The following NPAS3 variants were observed in gnomAD, a reference collection of about 807,000 sequenced individuals.
The protein encoded by NPAS3 is neuronal PAS domain-containing protein 3.
Under a neutral mutation model 73.1 loss-of-function variants are expected in NPAS3, and 14 were observed. That is an observed-to-expected ratio of 0.19 (90% CI 0.13 to 0.30). The LOEUF is 0.30. Ranked by LOEUF, NPAS3 falls within the 10% of genes least tolerant of loss-of-function variation. NPAS3 has a pLI of 1.00. For missense variants in NPAS3, 1,096 were observed against 1,250.0 expected, an observed-to-expected ratio of 0.88 and a Z score of 1.86; for synonymous variants, 620 against 541.5, an observed-to-expected ratio of 1.14 and a Z score of -2.01.
chr14:33,228,935 T>G (rs2047739768), intron 3 of NPAS3, among the ~76,000 whole-genome samples: 1 of 152,298 alleles, frequency 6.6e-6, no homozygotes, highest in Non-Finnish European at 1.5e-5. Context: ...AGTAAATTAT[T>G]TTTTGAACCT....
At chr14:33,718,858 G>T (rs1024267523) in intron 6 of NPAS3, among the ~76,000 whole-genome samples, 2 of 152,160 alleles carry the variant, frequency 1.3e-5, no homozygotes, top group Non-Finnish European at 1.5e-5. Flanking sequence ...AGGTACGGTG[G>T]CTCACACCTG....
At chr14:33,336,279 A>G (rs1483719951) in intron 3 of NPAS3, among the ~76,000 whole-genome samples, 2 of 152,214 alleles carry the variant, frequency 1.3e-5, no homozygotes, top group South Asian at 2.1e-4. Flanking sequence ...GTCTCTGTAC[A>G]GGGTCTCACT....
chr14:33,785,932 G>A (rs1182950329), intron 9 of NPAS3, among the ~76,000 whole-genome samples: 1 of 152,162 alleles, frequency 6.6e-6, no homozygotes, highest in Admixed American at 6.5e-5. Context: ...GTGCGGAAGG[G>A]GTCAGTCGAT....
chr14:33,452,877 G>T (rs895676152), intron 4 of NPAS3, among the ~76,000 whole-genome samples: 2 of 149,580 alleles, frequency 1.3e-5, no homozygotes, highest in Non-Finnish European at 3.0e-5. Flanking sequence ...TAAAAATTAA[G>T]TATATGTATT....
At chr14:33,292,413 A>G (rs12172817) in intron 3 of NPAS3, among the ~76,000 whole-genome samples, 99,018 of 152,048 alleles carry the variant, frequency 0.65, 32,523 homozygotes, top group Admixed American at 0.71. Flanking sequence ...TTCAGTTGGC[A>G]GGTCTTCCTT....
intron 3 of NPAS3, among the ~76,000 whole-genome samples, chr14:33,291,278 A>G (rs1278757505): frequency 6.6e-6 from 1 of 152,188 alleles, no homozygotes; most frequent in African/African-American, 2.4e-5. Context: ...GTGTGGTGAT[A>G]GCACAGATAG....
intron 5 of NPAS3, among the ~76,000 whole-genome samples, chr14:33,643,409 G>A (rs951477500): frequency 4.2e-5 from 6 of 142,054 alleles, no homozygotes; most frequent in Non-Finnish European, 6.1e-5. Context: ...CGAGAGAGAT[G>A]GAGCAAGAGG....
At chr14:33,726,042 A>G (rs970872028) in intron 6 of NPAS3, among the ~76,000 whole-genome samples, 1 of 151,918 alleles carries the variant, frequency 6.6e-6, no homozygotes, top group South Asian at 2.1e-4. Flanking sequence ...TCTGTTCCTC[A>G]TTCAATATCC....
intron 5 of NPAS3, among the ~76,000 whole-genome samples, chr14:33,565,388 T>C (rs2055875178): frequency 1.3e-5 from 2 of 152,224 alleles, no homozygotes; most frequent in African/African-American, 2.4e-5. Context: ...CCAAATGTGG[T>C]TTATTTGAAT....
intron 1 of NPAS3, among the ~76,000 whole-genome samples, chr14:33,027,508 G>C (rs573380970): frequency 7.9e-5 from 12 of 152,042 alleles, no homozygotes; most frequent in Non-Finnish European, 1.8e-4. Context: ...GGTTAAGTTG[G>C]TATTTCTGTC....
At chr14:33,010,521 A>G (rs1255652343) in intron 1 of NPAS3, among the ~76,000 whole-genome samples, 3 of 152,260 alleles carry the variant, frequency 2.0e-5, no homozygotes, top group Non-Finnish European at 2.9e-5. Flanking sequence ...GCAAAATGAT[A>G]TATAATGATA....
At chr14:33,487,840 T>G (rs1315479561) in intron 4 of NPAS3, among the ~76,000 whole-genome samples, 1 of 152,204 alleles carries the variant, frequency 6.6e-6, no homozygotes, top group Non-Finnish European at 1.5e-5. Context: ...TTTTTAAATA[T>G]TTTGGGCTCC....
chr14:33,251,885 T>A (rs886563442), intron 3 of NPAS3, among the ~76,000 whole-genome samples: 7 of 152,044 alleles, frequency 4.6e-5, no homozygotes, highest in Non-Finnish European at 7.4e-5. Context: ...TGCTTTCTCT[T>A]TTTTTTAGAG....
At chr14:33,712,656 C>T (rs1018683568) in intron 6 of NPAS3, among the ~76,000 whole-genome samples, 1 of 152,154 alleles carries the variant, frequency 6.6e-6, no homozygotes, top group Non-Finnish European at 1.5e-5. Context: ...ACACTATGTA[C>T]AATGCTAAAT....
chr14:33,593,378 T>C (rs1362766021), intron 5 of NPAS3, among the ~76,000 whole-genome samples: 7 of 152,102 alleles, frequency 4.6e-5, no homozygotes. Context: ...AAAGCACCCA[T>C]CATAGTGCAT....
At chr14:33,177,953 C>CT (rs1331087195) in intron 2 of NPAS3, among the ~76,000 whole-genome samples, 26 of 151,930 alleles carry the variant, frequency 1.7e-4, no homozygotes, top group African/African-American at 5.3e-4. Context: ...CAAATGTGTT[C>CT]TTTTTCAAGA....
At chr14:33,619,079 T>C (rs1361225524) in intron 5 of NPAS3, among the ~76,000 whole-genome samples, 1 of 152,238 alleles carries the variant, frequency 6.6e-6, no homozygotes, top group East Asian at 1.9e-4. Flanking sequence ...TATCTTTATA[T>C]ACTTTAACGT....
intron 5 of NPAS3, among the ~76,000 whole-genome samples, chr14:33,650,529 G>T (rs961370617): frequency 1.2e-4 from 18 of 152,308 alleles, no homozygotes; most frequent in African/African-American, 3.8e-4. Flanking sequence ...GAGCTTTGGA[G>T]GGTCATCATA....
At chr14:33,802,023 C>T (rs1232729718), downstream of NPAS3, 2 of 152,114 alleles carry the variant, frequency 1.3e-5, no homozygotes, top group Non-Finnish European at 2.9e-5. Flanking sequence ...GTCAGTAAAG[C>T]CCCTTTTAAA....
Sources: allele counts gnomAD v4.1 joint callset (sites outside exome capture counted in the v4.1 genomes callset), GRCh38; gene constraint gnomAD v4.1.1; transcripts MANE v1.5; gene names NCBI Gene and HGNC (gene_info 2026-07-23, HGNC 2026-07-21).